The following CCNT2 variants were observed in gnomAD, a reference collection of about 807,000 sequenced individuals.
CCNT2 encodes the protein cyclin T2, also known as cyclin-T2.
Under a neutral mutation model 70.0 loss-of-function variants are expected in CCNT2, and 18 were observed. That is an observed-to-expected ratio of 0.26 (90% CI 0.18 to 0.38). The LOEUF is 0.38. Among genes scored for constraint, CCNT2 ranks in the 10% least tolerant of loss-of-function variants. The pLI is 1.00. For missense variants in CCNT2, 734 were observed against 890.2 expected, an observed-to-expected ratio of 0.82 and a Z score of 2.23; for synonymous variants, 334 against 313.3, an observed-to-expected ratio of 1.07 and a Z score of -0.70.
In CCNT2 at chr2:134,954,502, A is replaced by G; in HGVS notation, c.2047A>G (p.Thr683Ala). The G allele has an allele frequency of 6.2e-7, 1 of 1,613,990 alleles. No homozygotes were observed. ...TYQVGYGHLS[T>A]LVKLDKKPVE... ...CCAGGTGGGCTACGGACATCTCAGC[A>G]CCCTCGTGAAACTGGACAAGAAGCC... is the stretch of plus-strand genomic sequence containing the variant. Residue 683 changes from threonine (T) to alanine (A), a missense_variant, in exon 9 of 9, where the codon ACC becomes GCC. Physicochemically the swap from Thr to Ala is moderately conservative, Grantham distance 58. Around this residue, in one of 3 missense-constraint regions of CCNT2, gnomAD observed 532 missense variants for 556.9 expected, o/e 0.96. Coordinates refer to ENST00000264157, the MANE Select transcript of CCNT2 (RefSeq NM_058241.3).
In CCNT2 at chr2:134,958,389, A is replaced by G. The variant is rs777729294; in HGVS notation, c.*3741A>G. The G allele has an allele frequency of 1.3e-5, 2 of 152,206 alleles. No homozygotes were observed. The highest frequency in any genetic ancestry group is 2.4e-5 in the African/African-American group (1 of 41,456). 9.4% of individuals were successfully genotyped at this position (152,206 alleles called of 1,614,324 possible). A position where few individuals can be genotyped will look rare whatever the true frequency, so the allele number is the denominator to read the frequency against. On this transcript the variant is annotated 3_prime_UTR_variant, in exon 9 of 9. Coordinates refer to ENST00000264157, the MANE Select transcript of CCNT2 (RefSeq NM_058241.3). ...CTCAGAGGCTGTCTTGAAGGGAGAC[A>G]GTAGGATTCACTGACTACCTTTACC...
rs780933546 is a variant in CCNT2, at chr2:134,918,884, C to G, written c.30C>G (p.Arg10=). The G allele has an allele frequency of 3.2e-5, 51 of 1,613,808 alleles. No individual in the cohort carries two copies. In the East Asian group the frequency reaches 5.3e-4, roughly 17 times the overall value. ...CGTCGGGCCGTGGAGCTTCTTCTCG[C>G]TGGTTCTTTACTCGGGAACAGCTGG... The part of the protein sequence containing the change: MASGRGASS[R]WFFTREQLEN... Residue 10 remains arginine (R), a synonymous_variant, in exon 1 of 9, where the codon CGC becomes CGG. Coordinates refer to ENST00000264157, the MANE Select transcript of CCNT2 (RefSeq NM_058241.3).
intron 5 of CCNT2, chr2:134,944,438 A>C: frequency 1.0e-6 from 1 of 966,852 alleles, no homozygotes; most frequent in Non-Finnish European, 1.2e-6. Context: ...AATTTGAGTC[A>C]ACTTTAAATT....
chr2:134,946,726 T>C (rs1023638706), intron 6 of CCNT2, among the ~76,000 whole-genome samples: 1 of 151,842 alleles, frequency 6.6e-6, no homozygotes, highest in African/African-American at 2.4e-5. Flanking sequence ...TTTCAGTTTA[T>C]ATAGAGTAAA....
rs767805812 is a variant in CCNT2, at chr2:134,936,868, GC to G, written c.269del (p.Ala90ValfsTer17). ...AATATCGTCTACTGCATTATTTTTGGCTGCAAAAGTGGAAGAACAGGCTCGA... is the reference window on the plus strand; with the variant it reads ...AATATCGTCTACTGCATTATTTTTGGTGCAAAAGTGGAAGAACAGGCTCGA... ...NIISSTALFL[A>X]AKVEEQARKL... On this transcript the variant is annotated frameshift_variant, in exon 3 of 9. Transcript: ENST00000264157. LOFTEE classifies it high-confidence loss of function. 6.2e-7 allele frequency: 1 copy of G among 1,613,152 alleles called. No homozygotes were observed. Among genetic ancestry groups the G allele is most frequent in the Non-Finnish European group, 8.5e-7 (1 of 1,179,498 alleles).
chr2:134,942,573 G>A (rs1191691603), intron 4 of CCNT2, 39 bp from the exon 5 acceptor site: 6 of 1,480,136 alleles, frequency 4.1e-6, no homozygotes, highest in Admixed American at 3.4e-5. Context: ...AAGTACTGTA[G>A]TGGTAAGAGA....
rs915908447 is a variant in CCNT2 at position 134,950,640 on chromosome 2, GA to G, written c.704-1992del. On this transcript the variant is annotated intron_variant, in intron 7 of 8. Transcript: ENST00000264157. ...CAACAGAGGAAACCCTGTCTGGGGGGAAAAAAAAAGACATGAAGATTTATCT... is the reference window on the plus strand; with the variant it reads ...CAACAGAGGAAACCCTGTCTGGGGGGAAAAAAAAGACATGAAGATTTATCT... Among the ~76,000 whole-genome samples, 34 of 149,950 alleles carry G rather than the reference GA, an allele frequency of 2.3e-4. 1 individual carries two copies. In the South Asian group the frequency reaches 3.6e-3, roughly 16 times the overall value.
At chr2:134,947,532 G>A (rs184998174) in intron 6 of CCNT2, among the ~76,000 whole-genome samples, 1 of 152,248 alleles carries the variant, frequency 6.6e-6, no homozygotes, top group East Asian at 1.9e-4. Context: ...ACTCGGGAGT[G>A]AGTGAGGGGA....
At chr2:134,920,431 G>A (rs936442741) in intron 2 of CCNT2, 5 of 152,186 alleles carry the variant, frequency 3.3e-5, no homozygotes, top group Admixed American at 3.3e-4. Flanking sequence ...AAAATTTTGG[G>A]TGATTCAAAC....
intron 3 of CCNT2, 64 bp from the exon 4 acceptor site, chr2:134,938,938 C>A: frequency 2.0e-6 from 2 of 997,460 alleles, no homozygotes; most frequent in Non-Finnish European, 3.1e-6. Context: ...CAAGATGTAA[C>A]AGTCATGCAG....
rs570391160 is a variant in CCNT2, at chr2:134,924,059, G to T, written c.240+4168G>T. On this transcript the variant is annotated intron_variant, in intron 2 of 8. Transcript: ENST00000264157. Reference sequence around the variant, plus strand: ...TTGTGTATCACTGTTTTTCCTTAGGGTGCTTTCTCTTTGCTTTCATGTGAC... The same window carrying T: ...TTGTGTATCACTGTTTTTCCTTAGGTTGCTTTCTCTTTGCTTTCATGTGAC... Among the ~76,000 whole-genome samples, 8 of 152,152 alleles carry T rather than the reference G, an allele frequency of 5.3e-5. No individual in the cohort carries two copies. In the South Asian group the frequency reaches 6.2e-4, roughly 12 times the overall value.
chr2:134,953,005 G>T, intron 8 of CCNT2: 1 of 493,378 alleles, frequency 2.0e-6, no homozygotes, highest in South Asian at 3.8e-5. Flanking sequence ...TGCTGGGCTA[G>T]GATTTAACTT....
Position 134,954,706 on chromosome 2 carries a change from A to G in CCNT2, c.*58A>G. ...TTTAATTTAAAAATTGTTAGAATGGAAAAATTCCTTCTGATCTAGCAGTGG... is the reference window on the plus strand; with the variant it reads ...TTTAATTTAAAAATTGTTAGAATGGGAAAATTCCTTCTGATCTAGCAGTGG... On this transcript the variant is annotated 3_prime_UTR_variant, in exon 9 of 9. Transcript: ENST00000264157. 1 of 1,203,548 alleles carries G rather than the reference A, an allele frequency of 8.3e-7. No homozygotes were observed. Among genetic ancestry groups the G allele is most frequent in the Non-Finnish European group, 1.2e-6 (1 of 831,424 alleles). 74.6% of individuals were successfully genotyped at this position (1,203,548 alleles called of 1,614,324 possible).
chr2:134,932,846 T>G (rs1168058249), intron 2 of CCNT2, among the ~76,000 whole-genome samples: 1 of 152,264 alleles, frequency 6.6e-6, no homozygotes, highest in Non-Finnish European at 1.5e-5. Flanking sequence ...TTTCCTTTTC[T>G]TATTCTAAGA....
At chr2:134,939,921 T>A (rs1326230739) in intron 4 of CCNT2, among the ~76,000 whole-genome samples, 1 of 152,198 alleles carries the variant, frequency 6.6e-6, no homozygotes, top group Admixed American at 6.5e-5. Context: ...TTATCTAAAG[T>A]CATATGTTAG....
intron 5 of CCNT2, 190 bp downstream of exon 5, chr2:134,942,864 C>T: frequency 7.3e-7 from 1 of 1,376,564 alleles, no homozygotes; most frequent in Non-Finnish European, 9.4e-7. Flanking sequence ...GGTATGTTAG[C>T]TTCCTTTAAA....
chr2:134,937,025 T>A, intron 3 of CCNT2, 56 bp downstream of exon 3: 3 of 1,330,642 alleles, frequency 2.3e-6, no homozygotes, highest in African/African-American at 1.5e-5. Context: ...TTTTTCATAA[T>A]GTAGGCCTAA....
At chr2:134,919,704 G>C (rs1679729069) in intron 1 of CCNT2, 106 bp from the exon 2 acceptor site, 1 of 817,366 alleles carries the variant, frequency 1.2e-6, no homozygotes, top group South Asian at 1.7e-5. Context: ...TTGGGGTTTG[G>C]ATTTGAATGG....
Position 134,954,374 on chromosome 2 carries a change from G to C in CCNT2, c.1919G>C (p.Ser640Thr), listed in dbSNP as rs752263611. Residue 640 changes from serine to threonine, a missense_variant, in exon 9 of 9, where the codon AGT becomes ACT. Transcript: ENST00000264157. ...HHSKMSKSSK[S>T]SGSSSSSSSS... is the part of the protein sequence containing the mutation. The stretch of plus-strand genomic sequence containing the variant: ...TCCAAAATGAGCAAAAGTTCCAAAA[G>C]TTCAGGTAGTTCATCTAGTTCTTCC... 6.2e-7 allele frequency: 1 copy of C among 1,614,170 alleles called. No individual in the cohort carries two copies. The highest frequency in any genetic ancestry group is 1.1e-5 in the South Asian group (1 of 91,078).
Sources: gnomAD v4.1 joint callset for allele counts (sites outside exome capture counted in the v4.1 genomes callset) on GRCh38, gnomAD v4.1.1 for gene constraint, gnomAD v4.1.1 regional missense constraint, MANE v1.5 for transcripts, NCBI Gene and HGNC (gene_info 2026-07-23, HGNC 2026-07-21) for gene names.